The following CAND1 variants were observed in gnomAD, a reference collection of about 807,000 sequenced individuals.
CAND1 encodes cullin-associated NEDD8-dissociated protein 1.
CAND1 carries 7 observed loss-of-function variants against 108.5 expected under a neutral mutation model. That is an observed-to-expected ratio of 0.06 (90% CI 0.04 to 0.12). The LOEUF is 0.12. Among genes scored for constraint, CAND1 ranks in the 10% least tolerant of loss-of-function variants. The pLI, the probability that CAND1 is intolerant of heterozygous loss-of-function variation, is 1.00. For missense variants in CAND1, 941 were observed against 1,448.7 expected, an observed-to-expected ratio of 0.65 and a Z score of 5.69; for synonymous variants, 534 against 512.0, an observed-to-expected ratio of 1.04 and a Z score of -0.58.
At chr12:67,294,036 A>G (rs2044745776) in intron 3 of CAND1, among the ~76,000 whole-genome samples, 1 of 152,212 alleles carries the variant, frequency 6.6e-6, no homozygotes, top group Non-Finnish European at 1.5e-5. Context: ...TCTTCAATGT[A>G]TCATACCAGT....
At chr12:67,279,561 G>A (rs1441930760) in intron 1 of CAND1, among the ~76,000 whole-genome samples, 4 of 152,054 alleles carry the variant, frequency 2.6e-5, no homozygotes, top group Admixed American at 2.6e-4. Context: ...AATATCTATT[G>A]CTAATTTTGA....
intron 1 of CAND1, among the ~76,000 whole-genome samples, chr12:67,277,579 A>G (rs2044581486): frequency 6.6e-6 from 1 of 152,208 alleles, no homozygotes; most frequent in African/African-American, 2.4e-5. Context: ...TAGGCCAAGA[A>G]GAAGATGCTT....
Position 67,312,809 on chromosome 12 carries a change from G to A in CAND1, c.3672G>A (p.Leu1224=), listed in dbSNP as rs200349842. The A allele has an allele frequency of 1.2e-6, 2 of 1,610,584 alleles. No individual in the cohort carries two copies. Among genetic ancestry groups the A allele is most frequent in the African/African-American group, 2.7e-5 (2 of 74,956 alleles). The stretch of plus-strand genomic sequence containing the variant: ...AGAAAGATTCATCATCTACTAACTT[G>A]GAATCAATGGACACTAGTTAGATGT... ...SIQKDSSSTN[L]ESMDTS The change falls in exon 15 of 15, where the codon TTG becomes TTA. Residue 1224 remains leucine, a synonymous_variant. Coordinates refer to ENST00000545606, the MANE Select transcript of CAND1 (RefSeq NM_018448.5).
intron 1 of CAND1, among the ~76,000 whole-genome samples, chr12:67,273,765 C>G (rs112209357): frequency 2.0e-5 from 3 of 152,302 alleles, no homozygotes; most frequent in African/African-American, 7.2e-5. Flanking sequence ...GCTTGAGCCA[C>G]TGTGCCCAGC....
At chr12:67,281,486 G>T (rs1291736076) in intron 1 of CAND1, among the ~76,000 whole-genome samples, 1 of 152,044 alleles carries the variant, frequency 6.6e-6, no homozygotes, top group Non-Finnish European at 1.5e-5. Context: ...TTTGGTTAAG[G>T]GCTTCCTAGA....
chr12:67,289,678 G>A (rs180841654), intron 2 of CAND1, among the ~76,000 whole-genome samples: 42 of 152,312 alleles, frequency 2.8e-4, no homozygotes, highest in African/African-American at 9.9e-4. Context: ...CTATTCTGCT[G>A]AAAGCTAGAA....
intron 14 of CAND1, 95 bp downstream of exon 14, chr12:67,311,895 GTGCTC>G (rs1460199494): frequency 2.7e-6 from 2 of 739,876 alleles, no homozygotes; most frequent in East Asian, 5.2e-5. Context: ...AACTATTCCA[GTGCTC>G]TGTGTAGCAG....
intron 3 of CAND1, among the ~76,000 whole-genome samples, chr12:67,294,650 C>T (rs1380228298): frequency 6.6e-6 from 1 of 152,140 alleles, no homozygotes; most frequent in Non-Finnish European, 1.5e-5. Flanking sequence ...CTACTATTAT[C>T]CAGTAGAAAG....
chr12:67,276,566 T>C (rs191237327), intron 1 of CAND1, among the ~76,000 whole-genome samples: 1 of 152,308 alleles, frequency 6.6e-6, no homozygotes, highest in East Asian at 1.9e-4. Flanking sequence ...TAATAAATTT[T>C]ACAGGGAGGG....
At chr12:67,297,684 T>G in intron 5 of CAND1, 21 bp downstream of exon 5, 1 of 1,597,674 alleles carries the variant, frequency 6.3e-7, no homozygotes, top group Non-Finnish European at 8.5e-7. Context: ...TTTAAAAGTT[T>G]TACAGTTTTC....
Position 67,312,753 on chromosome 12 carries a change from C to A in CAND1, c.3616C>A (p.Pro1206Thr), listed in dbSNP as rs1412501176. The change falls in exon 15 of 15, where the codon CCT (proline) becomes ACT (threonine). Residue 1206 changes from proline to threonine, a missense_variant. Pro to Thr is a conservative substitution (Grantham distance 38). Transcript: ENST00000545606. ...ATTCCAGTCACAGATCAGTTCTAAC[C>A]CTGAGCTGGCGGCTATCTTTGAAAG... ...SEFQSQISSN[P>T]ELAAIFESIQ... 4 of 1,613,724 alleles carry A rather than the reference C, an allele frequency of 2.5e-6. No individual in the cohort carries two copies. The highest frequency in any genetic ancestry group is 3.3e-5 in the Admixed American group (2 of 59,980).
intron 1 of CAND1, among the ~76,000 whole-genome samples, chr12:67,275,025 TG>T (rs1263150841): frequency 6.6e-6 from 1 of 152,142 alleles, no homozygotes; most frequent in African/African-American, 2.4e-5. Context: ...AGGTGATTTC[TG>T]GGCACTTTTA....
intron 7 of CAND1, 42 bp from the exon 8 acceptor site, chr12:67,302,281 T>G (rs767628656): frequency 1.3e-6 from 2 of 1,529,046 alleles, no homozygotes; most frequent in Non-Finnish European, 1.8e-6. Context: ...GATATACTTC[T>G]CTTGTCATTA....
At chr12:67,287,823 T>G (rs2044685625) in intron 2 of CAND1, among the ~76,000 whole-genome samples, 1 of 151,644 alleles carries the variant, frequency 6.6e-6, no homozygotes, top group Non-Finnish European at 1.5e-5. Context: ...GTATATTCAT[T>G]ATTCAGTTTG....
chr12:67,298,979 C>T lies in CAND1; in HGVS notation c.884C>T (p.Ser295Phe). The T allele has an allele frequency of 6.5e-7, 1 of 1,536,766 alleles. No individual in the cohort carries two copies. Among genetic ancestry groups the T allele is most frequent in the African/African-American group, 1.4e-5 (1 of 73,168 alleles). Residue 295 changes from serine to phenylalanine, a missense_variant, in exon 7 of 15, where the codon TCT becomes TTT. Ser to Phe is a radical substitution (Grantham distance 155). Transcript: ENST00000545606. ...RCPKEVYPHVSTIINICLKYL... is the reference protein window; with the variant it reads ...RCPKEVYPHVFTIINICLKYL... The stretch of plus-strand genomic sequence containing the variant: ...CCTAAGGAAGTATATCCTCATGTTT[C>T]TACCATTATAAATATTTGTCTTAAA...
At chr12:67,285,316 A>G (rs2044660060) in intron 2 of CAND1, among the ~76,000 whole-genome samples, 1 of 152,228 alleles carries the variant, frequency 6.6e-6, no homozygotes, top group African/African-American at 2.4e-5. Context: ...ATGTCCTTGG[A>G]TGGGATAACT....
Position 67,305,002 on chromosome 12 carries a change from A to G in CAND1, c.1436-102A>G, listed in dbSNP as rs2044864141. 3.0e-6 allele frequency: 3 copies of G among 1,002,016 alleles called. No individual in the cohort carries two copies. Among genetic ancestry groups the G allele is most frequent in the South Asian group, 3.5e-5 (2 of 57,948 alleles). 62.1% of individuals were successfully genotyped at this position (1,002,016 alleles called of 1,614,324 possible). A position where few individuals can be genotyped will look rare whatever the true frequency, so the allele number is the denominator to read the frequency against. Reference sequence around the variant, plus strand: ...GAAAATTTCTACTTATAGAAATAATATAATGAAGTGGGAACATTAGCAGTA... The same window carrying G: ...GAAAATTTCTACTTATAGAAATAATGTAATGAAGTGGGAACATTAGCAGTA... On this transcript the variant is annotated intron_variant, in intron 9 of 14. Transcript: ENST00000545606. The surrounding 1 kb of genome is among the most constrained non-coding windows in gnomAD (Gnocchi z 4.4).
In CAND1 at chr12:67,318,939, T is replaced by C. The variant is rs1421807519; in HGVS notation, c.*6109T>C. 2 of 152,122 alleles carry C rather than the reference T, an allele frequency of 1.3e-5. No homozygotes were observed. The highest frequency in any genetic ancestry group is 3.9e-4 in the East Asian group (2 of 5,180). 9.4% of individuals were successfully genotyped at this position (152,122 alleles called of 1,614,324 possible). A position where few individuals can be genotyped will look rare whatever the true frequency, so the allele number is the denominator to read the frequency against. ...GAGGAATGAGCTCTTAGAAGAATAGTTTTCAAATGAGTGTGCATCACAGTC... is the reference window on the plus strand; with the variant it reads ...GAGGAATGAGCTCTTAGAAGAATAGCTTTCAAATGAGTGTGCATCACAGTC... On this transcript the variant is annotated 3_prime_UTR_variant, in exon 15 of 15. Transcript: ENST00000545606.
chr12:67,282,153 C>G, intron 2 of CAND1, 100 bp downstream of exon 2: 1 of 1,222,336 alleles, frequency 8.2e-7, no homozygotes, highest in Non-Finnish European at 1.2e-6. Context: ...CTTGTACTAT[C>G]TCTTTCTAGT....
Sources: gnomAD v4.1 joint callset for allele counts (sites outside exome capture counted in the v4.1 genomes callset) on GRCh38, gnomAD v4.1.1 for gene constraint, Gnocchi (gnomAD v3.1) non-coding constraint, MANE v1.5 for transcripts, NCBI Gene and HGNC (gene_info 2026-07-23, HGNC 2026-07-21) for gene names.